The following PLXNA1 variants were observed in gnomAD, a reference collection of about 807,000 sequenced individuals.
PLXNA1 encodes the protein plexin-A1.
In PLXNA1, 77 loss-of-function variants were observed where a neutral mutation model predicts 191.7. That is an observed-to-expected ratio of 0.40 (90% CI 0.33 to 0.49). The LOEUF (loss-of-function observed/expected upper bound fraction) is 0.49, where lower values mean the gene tolerates loss of function less well. Ranked by LOEUF, PLXNA1 falls within the 20% of genes least tolerant of loss-of-function variation. PLXNA1 has a pLI of 0.63. For missense variants in PLXNA1, 2,110 were observed against 2,660.2 expected (o/e 0.79, Z 4.55); for synonymous variants, 1,137 against 1,156.4 (o/e 0.98, Z 0.34).
In PLXNA1 at chr3:127,030,245, C is replaced by G; in HGVS notation, c.5064C>G (p.Gly1688=). 1.2e-6 allele frequency: 2 copies of G among 1,613,294 alleles called. No homozygotes were observed. Among genetic ancestry groups the G allele is most frequent in the Non-Finnish European group, 1.7e-6 (2 of 1,179,718 alleles). The change falls in exon 29 of 32, where the codon GGC becomes GGG. Residue 1688 remains glycine, a splice_region_variant and synonymous_variant. Coordinates refer to ENST00000393409, the MANE Select transcript of PLXNA1 (RefSeq NM_032242.4). ...GTGTCCCTGCCTGCCCCCCGCAGGG[C>G]ACACTGCAGAAGTTTGTGGACGACC... ...IYLTRLLATK[G]TLQKFVDDLF...
chr3:127,004,719 TG>T lies in PLXNA1; in HGVS notation c.1619+11del. On this transcript the variant is annotated intron_variant, in intron 5 of 31. Coordinates refer to ENST00000393409, the MANE Select transcript of PLXNA1 (RefSeq NM_032242.4). The stretch of plus-strand genomic sequence containing the variant: ...GTGTGTCCTGCACAGCATGTGAGTC[TG>T]GGCAGGTGGGCAGGGGCAGGCGGGG... 6.3e-7 allele frequency: 1 copy of T among 1,583,782 alleles called. No individual in the cohort carries two copies. The highest frequency in any genetic ancestry group is 8.6e-7 in the Non-Finnish European group (1 of 1,164,844).
chr3:127,027,688 G>T, intron 23 of PLXNA1: 1 of 649,578 alleles, frequency 1.5e-6, no homozygotes, highest in Non-Finnish European at 2.8e-6. Context: ...ACACTACTGC[G>T]CCTCCTGGCT....
intron 17 of PLXNA1, among the ~76,000 whole-genome samples, 157 bp from the exon 18 acceptor site, chr3:127,017,268 C>T (rs1347009974): frequency 6.6e-6 from 1 of 152,220 alleles, no homozygotes; most frequent in Non-Finnish European, 1.5e-5. Flanking sequence ...CCACATGTCC[C>T]TGGTCCACGT....
rs994514744 is a variant in PLXNA1, at chr3:127,034,645, C to T, written c.*628C>T. 88 of 152,594 alleles carry T rather than the reference C, an allele frequency of 5.8e-4. No homozygotes were observed. Among genetic ancestry groups the T allele is most frequent in the Middle Eastern group, 3.4e-3 (1 of 294 alleles). The allele number at this position is 152,594 out of a possible 1,614,324, so 9.5% of individuals were successfully genotyped here. ...ACCGCGTGCTCTGCGCGGCCGAGGC[C>T]GGAGCACCACATCCACCTCGCCCCA... is the stretch of plus-strand genomic sequence containing the variant. On this transcript the variant is annotated 3_prime_UTR_variant, in exon 32 of 32. Transcript: ENST00000393409.
chr3:127,031,156 A>G (rs2079208690), intron 29 of PLXNA1, among the ~76,000 whole-genome samples: 1 of 152,082 alleles, frequency 6.6e-6, no homozygotes, highest in Non-Finnish European at 1.5e-5. Context: ...CCTCTCTGCC[A>G]CACAGGCAGG....
chr3:127,020,529 A>G (rs558668384), intron 21 of PLXNA1, among the ~76,000 whole-genome samples, 185 bp downstream of exon 21: 1 of 152,082 alleles, frequency 6.6e-6, no homozygotes, highest in South Asian at 2.1e-4. Context: ...AACCAAGACC[A>G]GGCAAGCACA....
intron 25 of PLXNA1, 131 bp downstream of exon 25, chr3:127,028,471 A>C: frequency 9.6e-7 from 1 of 1,038,312 alleles, no homozygotes; most frequent in Non-Finnish European, 1.4e-6. Context: ...GGGCAGTGGA[A>C]TGGCGAGTGG....
intron 19 of PLXNA1, 82 bp from the exon 20 acceptor site, chr3:127,018,212 G>A (rs2079134906): frequency 4.9e-6 from 6 of 1,231,968 alleles, no homozygotes; most frequent in South Asian, 2.9e-5. Context: ...AGGTGTTGGG[G>A]GTGGGTCTTG....
rs1308132793 is a variant in PLXNA1 at position 127,032,792 on chromosome 3, G to A, written c.5551G>A (p.Ala1851Thr). ...LHLSQFNSMS[A>T]LHEIYSYITK... ...CCTGAGCCAGTTCAACAGCATGAGC[G>A]CCTTGCACGAGATCTACTCCTACAT... is the stretch of plus-strand genomic sequence containing the variant. Residue 1851 changes from alanine to threonine, a missense_variant, in exon 31 of 32, where the codon GCC (alanine) becomes ACC (threonine). Ala to Thr is a moderately conservative substitution (Grantham distance 58). Around this residue, in one of 4 missense-constraint regions of PLXNA1, gnomAD observed 559 missense variants for 911.5 expected, o/e 0.61. Transcript: ENST00000393409. 1.2e-5 allele frequency: 20 copies of A among 1,613,238 alleles called. No individual in the cohort carries two copies. Among genetic ancestry groups the A allele is most frequent in the African/African-American group, 1.3e-5 (1 of 74,920 alleles).
chr3:127,003,577 C>A, intron 4 of PLXNA1, 107 bp downstream of exon 4: 1 of 1,287,126 alleles, frequency 7.8e-7, no homozygotes, highest in East Asian at 2.6e-5. Flanking sequence ...GTTGGGCGTC[C>A]ATGGCTCCTG....
intron 3 of PLXNA1, among the ~76,000 whole-genome samples, chr3:126,997,151 A>T (rs766338368): frequency 4.6e-5 from 7 of 152,214 alleles, no homozygotes; most frequent in Admixed American, 1.3e-4. Context: ...GCGTGTTTCA[A>T]GCACACATGC....
chr3:126,997,158 A>C (rs1559955478), intron 3 of PLXNA1, among the ~76,000 whole-genome samples: 1 of 152,196 alleles, frequency 6.6e-6, no homozygotes, highest in Non-Finnish European at 1.5e-5. Context: ...TCAAGCACAC[A>C]TGCCTGTGCA....
intron 3 of PLXNA1, among the ~76,000 whole-genome samples, chr3:126,991,863 C>T (rs888702866): frequency 1.3e-5 from 2 of 152,146 alleles, no homozygotes; most frequent in Non-Finnish European, 2.9e-5. Context: ...TCCAAGGGCA[C>T]TTGACCTCCT....
intron 9 of PLXNA1, 117 bp from the exon 10 acceptor site, chr3:127,011,841 G>A: frequency 1.0e-6 from 1 of 958,756 alleles, no homozygotes; most frequent in Non-Finnish European, 1.6e-6. Context: ...CATAAAATGG[G>A]CACATTGGTG....
At position 126,992,136 on chromosome 3, in the gene PLXNA1, C is replaced by T. The variant is rs541401231; in HGVS notation, c.1377+570C>T. ...ACGGTGGCAGGGGGAGGGCTAGGTG[C>T]TACAGGGATGGCTGTCTGGTCTTCA... On this transcript the variant is annotated intron_variant, in intron 3 of 31. Coordinates refer to ENST00000393409, the MANE Select transcript of PLXNA1 (RefSeq NM_032242.4). 2.0e-5 allele frequency among the ~76,000 whole-genome samples: 3 copies of T among 152,314 alleles called. No individual in the cohort carries two copies. The East Asian group carries it at 5.8e-4, about 29-fold the overall frequency.
At chr3:126,996,865 A>T (rs2079017092) in intron 3 of PLXNA1, among the ~76,000 whole-genome samples, 1 of 152,166 alleles carries the variant, frequency 6.6e-6, no homozygotes, top group Non-Finnish European at 1.5e-5. Context: ...CCGAGCCTGC[A>T]GGAGGGTCCT....
chr3:127,015,325 G>A lies in PLXNA1; in HGVS notation c.3014+5G>A, dbSNP rs2079117660. On this transcript the variant is annotated splice_donor_5th_base_variant and intron_variant, in intron 15 of 31. Coordinates refer to ENST00000393409, the MANE Select transcript of PLXNA1 (RefSeq NM_032242.4). ...CCGGCCCTGCTCCTTCTCCTGGTAC[G>A]GGGTGCAGGTGGGGGTGGGGGCCTG... 2.5e-6 allele frequency: 4 copies of A among 1,600,042 alleles called. No individual in the cohort carries two copies. Among genetic ancestry groups the A allele is most frequent in the Non-Finnish European group, 3.4e-6 (4 of 1,175,704 alleles).
At chr3:127,015,120 C>G (rs2079116366) in intron 14 of PLXNA1, 64 bp from the exon 15 acceptor site, 1 of 1,560,196 alleles carries the variant, frequency 6.4e-7, no homozygotes, top group Admixed American at 1.8e-5. Flanking sequence ...CCAAGTGGGG[C>G]CTGTCCCCAT....
At chr3:127,026,029 C>T (rs1449631238) in intron 23 of PLXNA1, among the ~76,000 whole-genome samples, 1 of 152,188 alleles carries the variant, frequency 6.6e-6, no homozygotes, top group Non-Finnish European at 1.5e-5. Flanking sequence ...TATTGAACTG[C>T]CCATATTATC....
Sources: gnomAD v4.1 joint callset for allele counts (sites outside exome capture counted in the v4.1 genomes callset) on GRCh38, gnomAD v4.1.1 for gene constraint, gnomAD v4.1.1 regional missense constraint, MANE v1.5 for transcripts, NCBI Gene and HGNC (gene_info 2026-07-23, HGNC 2026-07-21) for gene names.